The following BBOF1 variants were observed in gnomAD, a reference collection of about 807,000 sequenced individuals.
The protein encoded by BBOF1 is basal body orientation factor 1.
BBOF1 carries 62 observed loss-of-function variants against 68.0 expected under a neutral mutation model. The ratio of observed to expected loss-of-function variants is 0.91; its 90% CI spans 0.74 to 1.13. The LOEUF (loss-of-function observed/expected upper bound fraction) is 1.13. Ranked by LOEUF, BBOF1 falls within the 50% of genes most tolerant of loss-of-function variation. The pLI is 0.00. For synonymous variants in BBOF1, 208 were observed against 198.8 expected (o/e 1.05, Z -0.39); for missense variants, 534 against 600.1 (o/e 0.89, Z 1.15).
At chr14:74,046,211 C>G (rs1018910554) in intron 6 of BBOF1, 81 bp downstream of exon 6, 26 of 1,267,952 alleles carry the variant, frequency 2.1e-5, no homozygotes, top group Non-Finnish European at 2.7e-5. Flanking sequence ...ACTTTCTTGT[C>G]TTCCCCCTTC....
At chr14:74,021,939 T>C (rs1594998175) in intron 1 of BBOF1, among the ~76,000 whole-genome samples, 1 of 145,280 alleles carries the variant, frequency 6.9e-6, no homozygotes, top group Non-Finnish European at 1.5e-5. Flanking sequence ...CACTCAAAAG[T>C]GGAGGGTAAA....
chr14:74,063,606 C>T (rs1051574053), intron 11 of BBOF1, among the ~76,000 whole-genome samples: 7 of 151,882 alleles, frequency 4.6e-5, no homozygotes, highest in African/African-American at 1.7e-4. Flanking sequence ...TGGCTCATGC[C>T]TGTAATCCCA....
intron 8 of BBOF1, among the ~76,000 whole-genome samples, chr14:74,054,381 T>G (rs1407220933): frequency 6.6e-6 from 1 of 150,460 alleles, no homozygotes; most frequent in African/African-American, 2.5e-5. Flanking sequence ...CAGTTTTTTT[T>G]GTTGTTTTTT....
At chr14:74,020,560 A>G (rs145439923) in intron 1 of BBOF1, among the ~76,000 whole-genome samples, 1,659 of 151,884 alleles carry the variant, frequency 0.011, 37 homozygotes, top group African/African-American at 0.038. Context: ...CCGGAGTGCA[A>G]TGGCACGATC....
downstream of BBOF1, among the ~76,000 whole-genome samples, chr14:74,068,210 C>T (rs1489946579): frequency 6.6e-6 from 1 of 151,456 alleles, no homozygotes; most frequent in Non-Finnish European, 1.5e-5. Context: ...GAAACCCTGT[C>T]TCTACTTAAA....
chr14:74,068,919 C>T (rs761873647), downstream of BBOF1: 2 of 1,614,006 alleles, frequency 1.2e-6, no homozygotes, highest in Admixed American at 3.3e-5. Context: ...TACTCTCCTG[C>T]CTTGTTGGAT....
chr14:74,033,517 CT>C (rs2059624436), intron 3 of BBOF1, among the ~76,000 whole-genome samples: 4 of 152,012 alleles, frequency 2.6e-5, no homozygotes, highest in Admixed American at 2.6e-4. Flanking sequence ...TTGCAGTGAG[CT>C]GAGATCACGC....
chr14:74,046,468 G>A (rs997956341), intron 6 of BBOF1, among the ~76,000 whole-genome samples: 1 of 152,088 alleles, frequency 6.6e-6, no homozygotes, highest in Non-Finnish European at 1.5e-5. Context: ...TGCCTCCCGA[G>A]TTCAGGCGAT....
chr14:74,056,588 G>A (rs943071830), intron 9 of BBOF1, among the ~76,000 whole-genome samples: 9 of 151,632 alleles, frequency 5.9e-5, no homozygotes, highest in Non-Finnish European at 1.2e-4. Flanking sequence ...CACTCACCTC[G>A]GCTTCCCAAA....
At chr14:74,048,656 G>A (rs2060001643) in intron 7 of BBOF1, 4 of 152,052 alleles carry the variant, frequency 2.6e-5, no homozygotes, top group Admixed American at 2.6e-4. Flanking sequence ...AGGTCTTTCT[G>A]GAAGTCCTAC....
intron 2 of BBOF1, among the ~76,000 whole-genome samples, chr14:74,025,265 A>G (rs1286463007): frequency 6.6e-6 from 1 of 152,138 alleles, no homozygotes; most frequent in Non-Finnish European, 1.5e-5. Context: ...CCTGATTCTC[A>G]TCTGCCTCCT....
intron 5 of BBOF1, among the ~76,000 whole-genome samples, chr14:74,041,796 G>T (rs2059829841): frequency 1.3e-5 from 2 of 152,170 alleles, no homozygotes; most frequent in Admixed American, 1.3e-4. Flanking sequence ...CAGCACTTTG[G>T]TAGGCCAAGG....
At chr14:74,069,196 C>G, downstream of BBOF1, 1 of 438,302 alleles carries the variant, frequency 2.3e-6, no homozygotes, top group South Asian at 2.1e-5. Flanking sequence ...CCTCCGCCTC[C>G]CAGGTTCAAG....
At chr14:74,033,739 T>C (rs1195767683) in intron 3 of BBOF1, among the ~76,000 whole-genome samples, 1 of 152,002 alleles carries the variant, frequency 6.6e-6, no homozygotes, top group Non-Finnish European at 1.5e-5. Context: ...CAGCCAGGCA[T>C]GGTGGCGGGC....
At chr14:74,040,254 G>A (rs2059802801) in intron 4 of BBOF1, among the ~76,000 whole-genome samples, 1 of 152,150 alleles carries the variant, frequency 6.6e-6, no homozygotes, top group South Asian at 2.1e-4. Flanking sequence ...CTCCCAAAGT[G>A]CTGGGATTAC....
intron 4 of BBOF1, among the ~76,000 whole-genome samples, chr14:74,039,595 A>T (rs893313633): frequency 9.0e-5 from 13 of 145,078 alleles, no homozygotes; most frequent in African/African-American, 3.3e-4. Flanking sequence ...CGCCTGGCTA[A>T]TTTTTTTTTT....
At chr14:74,079,827 C>T (rs191579563) in intron 10 of BBOF1, among the ~76,000 whole-genome samples, 6 of 152,208 alleles carry the variant, frequency 3.9e-5, no homozygotes, top group Non-Finnish European at 8.8e-5. Flanking sequence ...CCTTGGCCTC[C>T]CAAAGTTCTG....
chr14:74,064,912 C>G lies in BBOF1; in HGVS notation c.*213C>G, dbSNP rs1271912078. 1.9e-6 allele frequency: 3 copies of G among 1,613,518 alleles called. No homozygotes were observed. The Admixed American group carries it at 5.0e-5, about 27-fold the overall frequency. On this transcript the variant is annotated 3_prime_UTR_variant, in exon 12 of 12. Coordinates refer to ENST00000394009, the MANE Select transcript of BBOF1 (RefSeq NM_025057.3). ...GCAAAGGCACTGGAATGGGGACATT[C>G]ACTCCCACCTAAAACAGAACAAATC...
chr14:74,055,023 A>C (rs2060157014), intron 8 of BBOF1: 2 of 152,782 alleles, frequency 1.3e-5, no homozygotes, highest in African/African-American at 4.8e-5. Flanking sequence ...ATATTTTTTC[A>C]TGTTGTTAAA....
Sources: allele counts gnomAD v4.1 joint callset (sites outside exome capture counted in the v4.1 genomes callset), GRCh38; gene constraint gnomAD v4.1.1; transcripts MANE v1.5; gene names NCBI Gene and HGNC (gene_info 2026-07-23, HGNC 2026-07-21).